Variants in ANKRD27 observed in about 807,000 individuals in gnomAD.
The protein encoded by ANKRD27 is ankyrin repeat domain 27.
ANKRD27 carries 112 observed loss-of-function variants against 129.7 expected under a neutral mutation model. The observed-to-expected ratio is 0.86, with a 90% confidence interval of 0.74 to 1.01. The LOEUF (loss-of-function observed/expected upper bound fraction) is 1.01. ANKRD27 is among the 50% of genes least tolerant of loss of function. ANKRD27 has a pLI of 0.00. For synonymous variants in ANKRD27, 516 were observed against 511.2 expected, an observed-to-expected ratio of 1.01 and a Z score of -0.13; for missense variants, 1,258 against 1,300.5, an observed-to-expected ratio of 0.97 and a Z score of 0.50.
intron 24 of ANKRD27, among the ~76,000 whole-genome samples, chr19:32,605,151 G>T (rs561652295): frequency 6.6e-6 from 1 of 151,858 alleles, no homozygotes; most frequent in Admixed American, 6.6e-5. Context: ...CAAGAGGATC[G>T]TTGGAGCTCA....
chr19:32,643,013 T>C lies in ANKRD27; in HGVS notation c.782+110A>G, dbSNP rs1372918302. The stretch of plus-strand genomic sequence containing the variant: ...AAGTAACTGCGCTGCTCCTCAGAAC[T>C]AACCACATCAAACCAGCGTGTCACC... On this transcript the variant is annotated intron_variant, in intron 9 of 28. Transcript: ENST00000306065. The C allele has an allele frequency of 9.6e-6, 10 of 1,044,782 alleles. No homozygotes were observed. In the Admixed American group the frequency reaches 1.3e-4, roughly 13 times the overall value. The allele number at this position is 1,044,782 out of a possible 1,614,324, so 64.7% of individuals were successfully genotyped here.
At chr19:32,658,764 G>T in intron 2 of ANKRD27, 150 bp downstream of exon 2, 1 of 683,984 alleles carries the variant, frequency 1.5e-6, no homozygotes, top group South Asian at 1.7e-5. Flanking sequence ...GGCTCATGGG[G>T]GCCCCTCGCT....
chr19:32,639,263 T>G (rs757024874), intron 12 of ANKRD27, 93 bp downstream of exon 12: 1 of 1,492,418 alleles, frequency 6.7e-7, no homozygotes, highest in African/African-American at 1.4e-5. Context: ...GGAGGCAATT[T>G]AAGAATCCGT....
Position 32,619,360 on chromosome 19 carries a change from T to A in ANKRD27, c.1907A>T (p.Gln636Leu). The A allele has an allele frequency of 2.5e-6, 4 of 1,613,720 alleles. No individual in the cohort carries two copies. The South Asian group carries it at 3.3e-5, about 13-fold the overall frequency. The stretch of plus-strand genomic sequence containing the variant: ...TTGGCTGATGGAGTCCACGGAGCGC[T>A]GCGGGGACTGCACAGGGGCCTGCAG... ...KSSEAPVQSP[Q>L]RSVDSISQES... The change falls in exon 20 of 29, where the codon CAG becomes CTG. Residue 636 changes from glutamine (Q) to leucine (L), a missense_variant. Physicochemically the swap from Gln to Leu is moderately radical, Grantham distance 113 (BLOSUM62 -2). Transcript: ENST00000306065.
At position 32,625,838 on chromosome 19, in the gene ANKRD27, G is replaced by A. The variant is rs754257581; in HGVS notation, c.1629+36C>T. ...GACTTCTCTACGAGTGGGAAAGGGT[G>A]AACGCAGCCCCCCCGGAACAGCAAG... On this transcript the variant is annotated intron_variant, in intron 17 of 28. Transcript: ENST00000306065. 6.9e-5 allele frequency: 102 copies of A among 1,485,076 alleles called. 1 individual carries two copies. The highest frequency in any genetic ancestry group is 8.6e-5 in the Non-Finnish European group (95 of 1,108,004). 92.0% of individuals were successfully genotyped at this position (1,485,076 alleles called of 1,614,324 possible). A position where few individuals can be genotyped will look rare whatever the true frequency, so the allele number is the denominator to read the frequency against.
Position 32,605,832 on chromosome 19 carries a change from C to A in ANKRD27, c.2493+3G>T. ...TAGAATGAGGACAGGAAGGGGCCCT[C>A]ACCTGTAGCAGCAGTGCCACAAGCT... On this transcript the variant is annotated splice_donor_region_variant and intron_variant, in intron 24 of 28. Coordinates refer to ENST00000306065, the MANE Select transcript of ANKRD27 (RefSeq NM_032139.3). 1 of 1,612,914 alleles carries A rather than the reference C, an allele frequency of 6.2e-7. No individual in the cohort carries two copies. Among genetic ancestry groups the A allele is most frequent in the Non-Finnish European group, 8.5e-7 (1 of 1,179,524 alleles).
rs781383265 is a variant in ANKRD27 at position 32,597,864 on chromosome 19, C to T, written c.*281G>A. The stretch of plus-strand genomic sequence containing the variant: ...CCACTGTGACCAACAAACCCTCATA[C>T]TTAAAAAGAAGCATGCACCTCTGGC... On this transcript the variant is annotated 3_prime_UTR_variant, in exon 29 of 29. Coordinates refer to ENST00000306065, the MANE Select transcript of ANKRD27 (RefSeq NM_032139.3). The T allele has an allele frequency of 4.2e-6, 2 of 473,036 alleles. No individual in the cohort carries two copies. The highest frequency in any genetic ancestry group is 7.7e-6 in the Non-Finnish European group (2 of 259,060). The allele number at this position is 473,036 out of a possible 1,614,324, so 29.3% of individuals were successfully genotyped here.
At chr19:32,607,992 A>G (rs946372387) in intron 22 of ANKRD27, among the ~76,000 whole-genome samples, 160 bp from the exon 23 acceptor site, 1 of 142,832 alleles carries the variant, frequency 7.0e-6, no homozygotes, top group African/African-American at 2.5e-5. Context: ...GTGGCATGCC[A>G]AAAAACAACT....
At chr19:32,606,941 A>C (rs1281803102) in intron 23 of ANKRD27, among the ~76,000 whole-genome samples, 1 of 13,188 alleles carries the variant, frequency 7.6e-5, no homozygotes, top group East Asian at 1.2e-3. Context: ...CATCTCCACA[A>C]AAAAAAAAAA....
chr19:32,633,355 C>T (rs1462890247), intron 12 of ANKRD27, among the ~76,000 whole-genome samples: 2 of 118,544 alleles, frequency 1.7e-5, no homozygotes, highest in African/African-American at 3.2e-5. Context: ...TTTTTTGAGA[C>T]GGGGTCTTGC....
At position 32,646,580 on chromosome 19, in the gene ANKRD27, T is replaced by G. The variant is rs1254567563; in HGVS notation, c.249A>C (p.Gly83=). 1 of 1,613,796 alleles carries G rather than the reference T, an allele frequency of 6.2e-7. No individual in the cohort carries two copies. Among genetic ancestry groups the G allele is most frequent in the Non-Finnish European group, 8.5e-7 (1 of 1,179,956 alleles). Residue 83 remains glycine, a synonymous_variant, in exon 4 of 29, where the codon GGA becomes GGC. Coordinates refer to ENST00000306065, the MANE Select transcript of ANKRD27 (RefSeq NM_032139.3). The part of the protein sequence containing the change: ...VFIQGNRIKL[G]AGFACLLSVP... ...CTGAGAGAAGACAGGCAAAACCAGC[T>G]CCTAATTTAATCCTGTTCCCTTGAA...
At chr19:32,608,384 G>A (rs550859840) in intron 22 of ANKRD27, 54 of 333,736 alleles carry the variant, frequency 1.6e-4, no homozygotes, top group African/African-American at 9.1e-4. Context: ...CCACAGCCCC[G>A]CAAAGGCGAC....
intron 15 of ANKRD27, among the ~76,000 whole-genome samples, chr19:32,627,766 G>A (rs917989586): frequency 1.5e-4 from 23 of 152,220 alleles, no homozygotes; most frequent in African/African-American, 5.1e-4. Context: ...GCGAGCTGAC[G>A]ATTCTGAGAC....
chr19:32,657,262 G>C (rs563398893), intron 2 of ANKRD27, among the ~76,000 whole-genome samples: 1 of 152,102 alleles, frequency 6.6e-6, no homozygotes, highest in African/African-American at 2.4e-5. Context: ...AGGAGATCGA[G>C]ACCATCCTGG....
intron 25 of ANKRD27, among the ~76,000 whole-genome samples, chr19:32,603,292 A>G (rs1054591230): frequency 1.3e-5 from 2 of 152,096 alleles, no homozygotes; most frequent in Non-Finnish European, 2.9e-5. Flanking sequence ...AGAAACAAAA[A>G]ATTACTCTAA....
chr19:32,652,177 C>T (rs372176531), intron 2 of ANKRD27, among the ~76,000 whole-genome samples: 6 of 152,308 alleles, frequency 3.9e-5, no homozygotes, highest in African/African-American at 1.2e-4. Context: ...CCAGAGTTAC[C>T]GGCATAGACG....
chr19:32,605,190 G>A (rs1354987420), intron 24 of ANKRD27, among the ~76,000 whole-genome samples: 6 of 152,120 alleles, frequency 3.9e-5, no homozygotes, highest in African/African-American at 1.4e-4. Context: ...GGGCAACATA[G>A]TGAGACCCCC....
chr19:32,664,850 G>T (rs1186783283), intron 1 of ANKRD27, among the ~76,000 whole-genome samples: 1 of 144,690 alleles, frequency 6.9e-6, no homozygotes, highest in Non-Finnish European at 1.5e-5. Context: ...AGCCCAGGAG[G>T]CAGAGACTCC....
Position 32,657,361 on chromosome 19 carries a change from C to T in ANKRD27, c.102+1553G>A, listed in dbSNP as rs559358215. ...CCTGTAGTCCCAGCTACTCAGGAGA[C>T]TCAGGCAGGAAAATCGCTTGAACCC... is the stretch of plus-strand genomic sequence containing the variant. On this transcript the variant is annotated intron_variant, in intron 2 of 28. Coordinates refer to ENST00000306065, the MANE Select transcript of ANKRD27 (RefSeq NM_032139.3). 5.9e-5 allele frequency among the ~76,000 whole-genome samples: 9 copies of T among 151,978 alleles called. No homozygotes were observed. In the South Asian group the frequency reaches 1.9e-3, roughly 32 times the overall value.
Sources: gnomAD v4.1 joint callset for allele counts (sites outside exome capture counted in the v4.1 genomes callset) on GRCh38, gnomAD v4.1.1 for gene constraint, MANE v1.5 for transcripts, NCBI Gene and HGNC (gene_info 2026-07-23, HGNC 2026-07-21) for gene names.